Variants in ASTN2 observed in about 807,000 individuals in gnomAD.
The protein encoded by ASTN2 is astrotactin 2, also known as astrotactin-2.
A neutral mutation model predicts 139.8 loss-of-function variants in ASTN2; 54 were observed. The ratio of observed to expected loss-of-function variants is 0.39; its 90% CI spans 0.31 to 0.48. The LOEUF is 0.48. Among genes scored for constraint, ASTN2 ranks in the 20% least tolerant of loss-of-function variants. The pLI, the probability that ASTN2 is intolerant of heterozygous loss-of-function variation, is 0.95. For synonymous variants in ASTN2, 756 were observed against 719.5 expected, an observed-to-expected ratio of 1.05 and a Z score of -0.81; for missense variants, 1,565 against 1,725.1, an observed-to-expected ratio of 0.91 and a Z score of 1.64.
In ASTN2 at chr9:116,442,420, G is replaced by A. The variant is rs1294558880; in HGVS notation, c.3598+33C>T. 10 of 1,544,046 alleles carry A rather than the reference G, an allele frequency of 6.5e-6. No homozygotes were observed. The South Asian group carries it at 1.1e-4, about 17-fold the overall frequency. On this transcript the variant is annotated intron_variant, in intron 21 of 22. Coordinates refer to ENST00000313400, the MANE Select transcript of ASTN2 (RefSeq NM_001365068.1). Reference sequence around the variant, plus strand: ...TGCAGAACTTAGGGGAAATATGGGAGTTACTTTGGAGTTGAAAAACTGGGT... The same window carrying A: ...TGCAGAACTTAGGGGAAATATGGGAATTACTTTGGAGTTGAAAAACTGGGT...
Position 116,805,769 on chromosome 9 carries a change from G to A in ASTN2, c.2259C>T (p.Leu753=). The change falls in exon 13 of 23, where the codon CTC becomes CTT. Residue 753 remains leucine, a synonymous_variant. Transcript: ENST00000313400. The part of the protein sequence containing the change: ...LAPDGKSCLM[L]SDVCEGPKCL... ...ACTTGGGGCCCTCGCAGACATCTGA[G>A]AGCATTAAGCAGGATTTTCCATCAG... 6.2e-7 allele frequency: 1 copy of A among 1,613,914 alleles called. No homozygotes were observed. The highest frequency in any genetic ancestry group is 1.1e-5 in the South Asian group (1 of 91,064).
At chr9:116,537,052 A>C (rs546756122) in intron 19 of ASTN2, among the ~76,000 whole-genome samples, 2 of 152,200 alleles carry the variant, frequency 1.3e-5, no homozygotes, top group African/African-American at 2.4e-5. Context: ...AGCCTCAGCA[A>C]TGGTGGGCGC....
intron 10 of ASTN2, among the ~76,000 whole-genome samples, chr9:116,952,257 A>G (rs561938159): frequency 3.3e-5 from 5 of 152,312 alleles, no homozygotes; most frequent in Admixed American, 2.0e-4. Flanking sequence ...GACCTACCAT[A>G]GACATGACTA....
chr9:116,960,552 A>T (rs757570354), intron 10 of ASTN2, among the ~76,000 whole-genome samples: 1 of 150,582 alleles, frequency 6.6e-6, no homozygotes, highest in Non-Finnish European at 1.5e-5. Flanking sequence ...GCCTTTTGCT[A>T]TTGGGGGTTG....
At chr9:116,597,900 C>G (rs1347026346) in intron 19 of ASTN2, among the ~76,000 whole-genome samples, 1 of 152,106 alleles carries the variant, frequency 6.6e-6, no homozygotes, top group African/African-American at 2.4e-5. Flanking sequence ...GTGCCTGAGG[C>G]TTTTTAATGG....
chr9:117,056,815 G>A (rs1462527010), intron 5 of ASTN2, among the ~76,000 whole-genome samples: 1 of 152,152 alleles, frequency 6.6e-6, no homozygotes, highest in Non-Finnish European at 1.5e-5. Context: ...GTGAATTTAG[G>A]AAGTCAATAA....
rs71300675 is a variant in ASTN2 at position 116,796,989 on chromosome 9, CT to C, written c.2396+8642del. On this transcript the variant is annotated intron_variant, in intron 13 of 22. Transcript: ENST00000313400. ...ACCATGTTCAGCTAACTTAATTTTTCTTTTTTTTTTTTGTAGATATGTGATA... is the reference window on the plus strand; with the variant it reads ...ACCATGTTCAGCTAACTTAATTTTTCTTTTTTTTTTTGTAGATATGTGATA... Among the ~76,000 whole-genome samples the C allele has an allele frequency of 1.9e-3, 273 of 145,368 alleles. 1 individual carries two copies. Among genetic ancestry groups the C allele is most frequent in the Middle Eastern group, 7.0e-3 (2 of 284 alleles).
At chr9:116,610,926 T>C (rs911905914) in intron 19 of ASTN2, 5 of 152,114 alleles carry the variant, frequency 3.3e-5, no homozygotes, top group African/African-American at 9.7e-5. Flanking sequence ...TCCAGAAGAC[T>C]TGAATAACAT....
intron 10 of ASTN2, among the ~76,000 whole-genome samples, chr9:116,928,903 A>G (rs1417021731): frequency 1.3e-5 from 2 of 152,178 alleles, no homozygotes; most frequent in East Asian, 1.9e-4. Flanking sequence ...TCTGATCTCT[A>G]TTTTACAAAG....
intron 2 of ASTN2, among the ~76,000 whole-genome samples, chr9:117,261,329 T>C (rs1833816920): frequency 6.6e-6 from 1 of 152,230 alleles, no homozygotes. Flanking sequence ...GACCATGTGC[T>C]GATTCAGGAC....
intron 13 of ASTN2, among the ~76,000 whole-genome samples, chr9:116,761,659 G>C (rs912674094): frequency 6.6e-6 from 1 of 152,292 alleles, no homozygotes; most frequent in South Asian, 2.1e-4. Context: ...TAGCAGGTAA[G>C]ACAAGGGGTG....
At chr9:117,193,915 C>T (rs954416721) in intron 3 of ASTN2, among the ~76,000 whole-genome samples, 1 of 152,146 alleles carries the variant, frequency 6.6e-6, no homozygotes, top group Non-Finnish European at 1.5e-5. Flanking sequence ...CAGAGTATGG[C>T]TTAAAGATGG....
chr9:117,261,002 G>C (rs997269044), intron 2 of ASTN2, among the ~76,000 whole-genome samples: 2 of 152,174 alleles, frequency 1.3e-5, no homozygotes, highest in African/African-American at 2.4e-5. Flanking sequence ...AATTATTCCA[G>C]TGAATAAATT....
intron 4 of ASTN2, among the ~76,000 whole-genome samples, chr9:117,115,021 C>G (rs552641559): frequency 6.6e-6 from 1 of 152,118 alleles, no homozygotes; most frequent in Non-Finnish European, 1.5e-5. Flanking sequence ...ATATGAGACA[C>G]CCCGAAGCAA....
intron 10 of ASTN2, among the ~76,000 whole-genome samples, chr9:116,951,773 C>T (rs1490907567): frequency 1.3e-5 from 2 of 152,146 alleles, no homozygotes; most frequent in East Asian, 3.8e-4. Flanking sequence ...GGTAACATTC[C>T]CCAAACACAA....
At chr9:117,082,176 G>A (rs191169339) in intron 5 of ASTN2, among the ~76,000 whole-genome samples, 3 of 152,240 alleles carry the variant, frequency 2.0e-5, no homozygotes, top group African/African-American at 4.8e-5. Flanking sequence ...CCATCTGGAT[G>A]GCTCACAGGC....
At chr9:116,626,379 A>G (rs1407499725) in intron 17 of ASTN2, among the ~76,000 whole-genome samples, 1 of 151,270 alleles carries the variant, frequency 6.6e-6, no homozygotes, top group Non-Finnish European at 1.5e-5. Context: ...CCCCAAAAAT[A>G]TGTTTTAAAT....
Position 116,680,441 on chromosome 9 carries a change from G to A in ASTN2, c.2807-28648C>T, listed in dbSNP as rs970036454. Among the ~76,000 whole-genome samples the A allele has an allele frequency of 2.6e-5, 4 of 152,144 alleles. No homozygotes were observed. In the East Asian group the frequency reaches 5.8e-4, roughly 22 times the overall value. On this transcript the variant is annotated intron_variant, in intron 16 of 22. Coordinates refer to ENST00000313400, the MANE Select transcript of ASTN2 (RefSeq NM_001365068.1). ...TGGATTCACAGCCGAATTCTACCAG[G>A]GGTACAAGGAGGAACTGGTATCATT...
chr9:116,643,635 G>A (rs1471100121), intron 17 of ASTN2, among the ~76,000 whole-genome samples: 2 of 152,076 alleles, frequency 1.3e-5, no homozygotes, highest in South Asian at 4.1e-4. Context: ...CTCATAAGTT[G>A]TTGGATGATT....
Sources: allele counts gnomAD v4.1 joint callset (sites outside exome capture counted in the v4.1 genomes callset), GRCh38; gene constraint gnomAD v4.1.1; transcripts MANE v1.5; gene names NCBI Gene and HGNC (gene_info 2026-07-23, HGNC 2026-07-21).